PTPRN2: variants seen among roughly 807,000 people sequenced by gnomAD.
PTPRN2 encodes the protein protein tyrosine phosphatase receptor type N2, also known as receptor-type tyrosine-protein phosphatase N2.
Under a neutral mutation model 118.8 loss-of-function variants are expected in PTPRN2, and 74 were observed. The observed-to-expected ratio is 0.62, with a 90% CI of 0.52 to 0.76. PTPRN2 has a LOEUF of 0.76. Among genes scored for constraint, PTPRN2 ranks in the 30% least tolerant of loss-of-function variants. The pLI is 0.00. For missense variants in PTPRN2, 1,481 were observed against 1,394.4 expected (o/e 1.06, Z -0.99); for synonymous variants, 641 against 608.0 (o/e 1.05, Z -0.80).
intron 13 of PTPRN2, among the ~76,000 whole-genome samples, chr7:157,660,939 G>C (rs1193914905): frequency 2.6e-5 from 4 of 152,208 alleles, no homozygotes; most frequent in African/African-American, 9.6e-5. Flanking sequence ...ATTTTTAGTA[G>C]AGACGGGCTT....
At position 157,596,158 on chromosome 7, in the gene PTPRN2, C is replaced by T. The variant is rs1172058767; in HGVS notation, c.2419-843G>A. The stretch of plus-strand genomic sequence containing the variant: ...CTCCAGGCCTCATGGACAAACTTGC[C>T]AGCGTCCTGGGAGAACGAACTAGCG... On this transcript the variant is annotated intron_variant, in intron 16 of 22. Transcript: ENST00000389418. The surrounding 1 kb of genome is among the most constrained non-coding windows in gnomAD (Gnocchi z 4.2). Among the ~76,000 whole-genome samples, 1 of 152,216 alleles carries T rather than the reference C, an allele frequency of 6.6e-6. No individual in the cohort carries two copies. Among genetic ancestry groups the T allele is most frequent in the Non-Finnish European group, 1.5e-5 (1 of 68,046 alleles).
chr7:158,313,122 GTGTC>G (rs927612840), intron 3 of PTPRN2, among the ~76,000 whole-genome samples: 25 of 152,046 alleles, frequency 1.6e-4, no homozygotes, highest in African/African-American at 1.4e-4. Context: ...GTGTGCAAAT[GTGTC>G]TGTGTCTACA....
chr7:158,550,525 G>A lies in PTPRN2; in HGVS notation c.112+37033C>T, dbSNP rs113321745. On this transcript the variant is annotated intron_variant, in intron 1 of 22. Coordinates refer to ENST00000389418, the MANE Select transcript of PTPRN2 (RefSeq NM_002847.5). ...GCCCACAGGCCCACTCATGGCTGGCGTGGCCACCCACGGAGTCTAACTGCA... is the reference window on the plus strand; with the variant it reads ...GCCCACAGGCCCACTCATGGCTGGCATGGCCACCCACGGAGTCTAACTGCA... Among the ~76,000 whole-genome samples, 1,153 of 152,332 alleles carry A rather than the reference G, an allele frequency of 7.6e-3. 12 individuals carry two copies. Among genetic ancestry groups the A allele is most frequent in the African/African-American group, 0.026 (1,088 of 41,576 alleles).
At chr7:157,762,953 T>C (rs951105834) in intron 12 of PTPRN2, among the ~76,000 whole-genome samples, 2 of 151,990 alleles carry the variant, frequency 1.3e-5, no homozygotes, top group Admixed American at 1.3e-4. Context: ...AGGCTAACCC[T>C]CCATCAGAGC....
chr7:158,081,268 G>A, intron 11 of PTPRN2, 30 bp downstream of exon 11: 1 of 1,555,136 alleles, frequency 6.4e-7, no homozygotes, highest in Non-Finnish European at 8.8e-7. Flanking sequence ...ACGTGTGTGT[G>A]CGTGTACGTG....
chr7:157,726,019 C>T (rs56130103), intron 12 of PTPRN2, among the ~76,000 whole-genome samples: 102 of 142,602 alleles, frequency 7.2e-4, no homozygotes, highest in East Asian at 2.5e-3. Flanking sequence ...GATATCCACA[C>T]GCAGAGGAGT....
chr7:157,736,900 T>A (rs957478976), intron 12 of PTPRN2, among the ~76,000 whole-genome samples: 1 of 152,186 alleles, frequency 6.6e-6, no homozygotes, highest in Non-Finnish European at 1.5e-5. Flanking sequence ...ACAGTTTCCC[T>A]CTACAAATGA....
chr7:157,774,466 T>C (rs1007566088), intron 12 of PTPRN2, among the ~76,000 whole-genome samples: 18 of 152,254 alleles, frequency 1.2e-4, no homozygotes, highest in African/African-American at 4.1e-4. Context: ...AATATTATTC[T>C]TCCCAACCAA....
At chr7:157,547,241 C>A (rs1387355942) in intron 22 of PTPRN2, among the ~76,000 whole-genome samples, 1 of 152,218 alleles carries the variant, frequency 6.6e-6, no homozygotes, top group Admixed American at 6.5e-5. Flanking sequence ...CCCGTTCTCC[C>A]AGCCTCCATG....
At chr7:158,387,056 T>G (rs1388081736) in intron 2 of PTPRN2, among the ~76,000 whole-genome samples, 2 of 152,132 alleles carry the variant, frequency 1.3e-5, no homozygotes, top group African/African-American at 4.8e-5. Flanking sequence ...ATGACGCGTC[T>G]CTGTGGCAGC....
chr7:157,692,798 C>T (rs1440683439), intron 12 of PTPRN2, among the ~76,000 whole-genome samples: 2 of 152,068 alleles, frequency 1.3e-5, no homozygotes, highest in African/African-American at 2.4e-5. Context: ...CACCTTGGCC[C>T]TCTCGTCCCC....
At chr7:158,002,203 C>A (rs763129172) in intron 11 of PTPRN2, among the ~76,000 whole-genome samples, 1 of 152,194 alleles carries the variant, frequency 6.6e-6, no homozygotes, top group Non-Finnish European at 1.5e-5. Context: ...GCGGGAAACA[C>A]GGCGTGGTCA....
chr7:157,570,334 A>G (rs540009910), intron 20 of PTPRN2, among the ~76,000 whole-genome samples: 1 of 152,254 alleles, frequency 6.6e-6, no homozygotes, highest in Non-Finnish European at 1.5e-5. Flanking sequence ...GTGGGTAAAA[A>G]AGATGTTCTA....
chr7:158,091,313 A>G (rs1334630450), intron 10 of PTPRN2, among the ~76,000 whole-genome samples: 1 of 152,262 alleles, frequency 6.6e-6, no homozygotes, highest in South Asian at 2.1e-4. Flanking sequence ...AAGATAGCCA[A>G]GGCATATATG....
intron 6 of PTPRN2, among the ~76,000 whole-genome samples, chr7:158,149,059 A>ACACCACGTGTCT (rs1432696100): frequency 1.6e-5 from 2 of 124,330 alleles, no homozygotes; most frequent in Non-Finnish European, 3.4e-5. Context: ...ACCCCATCTC[A>ACACCACGTGTCT]TGCCACGTGT....
intron 3 of PTPRN2, among the ~76,000 whole-genome samples, chr7:158,306,549 C>G (rs1801299863): frequency 6.6e-6 from 1 of 152,030 alleles, no homozygotes; most frequent in South Asian, 2.1e-4. Context: ...ACTAACCAAA[C>G]TGAGCAGAGA....
intron 2 of PTPRN2, among the ~76,000 whole-genome samples, chr7:158,451,019 G>T (rs1818063940): frequency 6.6e-6 from 1 of 152,214 alleles, no homozygotes; most frequent in Non-Finnish European, 1.5e-5. Context: ...ACCTGGAGCT[G>T]GTGCTTCCGG....
chr7:157,677,422 C>A (rs1796720916), intron 13 of PTPRN2, among the ~76,000 whole-genome samples: 1 of 152,162 alleles, frequency 6.6e-6, no homozygotes, highest in South Asian at 2.1e-4. Flanking sequence ...TCTCTGGCCA[C>A]CTTTCGAGAC....
In PTPRN2 at chr7:157,780,441, C is replaced by A. The variant is rs963872825; in HGVS notation, c.1789-97504G>T. Among the ~76,000 whole-genome samples the A allele has an allele frequency of 6.6e-6, 1 of 152,214 alleles. No individual in the cohort carries two copies. Among genetic ancestry groups the A allele is most frequent in the Non-Finnish European group, 1.5e-5 (1 of 68,040 alleles). ...GAAGGAGGCTTGGCTGGCGGAGGGG[C>A]CGTGCTGCTGGATCAGATGGCGGAA... On this transcript the variant is annotated intron_variant, in intron 12 of 22. Transcript: ENST00000389418. This position sits in a 1 kb window ranked among gnomAD's most constrained non-coding sequence, Gnocchi z 4.5.
Sources: allele counts gnomAD v4.1 joint callset (sites outside exome capture counted in the v4.1 genomes callset), GRCh38; gene constraint gnomAD v4.1.1; non-coding constraint Gnocchi (gnomAD v3.1); transcripts MANE v1.5; gene names NCBI Gene and HGNC (gene_info 2026-07-23, HGNC 2026-07-21).